NAT1: variants seen among roughly 807,000 people sequenced by gnomAD.
NAT1 encodes N-acetyltransferase 1, also known as arylamine N-acetyltransferase 1.
For missense variants in NAT1, 400 were observed against 339.2 expected, an observed-to-expected ratio of 1.18 and a Z score of -1.41; for synonymous variants, 144 against 122.6, an observed-to-expected ratio of 1.17 and a Z score of -1.16.
In NAT1 at chr8:18,219,479, T is replaced by C. The variant is rs754881386; in HGVS notation, c.-17T>C. ...ACTGAAGATCAACCTACTTTCAACT[T>C]ACTAAGAAAGGTATTAAGCGCCTTT... On this transcript the variant is annotated 5_prime_UTR_variant, in exon 2 of 3. Coordinates refer to ENST00000307719, the MANE Select transcript of NAT1 (RefSeq NM_000662.8). The C allele has an allele frequency of 7.7e-6, 12 of 1,548,760 alleles. No homozygotes were observed. The South Asian group carries it at 1.3e-4, about 17-fold the overall frequency.
intron 2 of NAT1, among the ~76,000 whole-genome samples, chr8:18,179,400 C>T (rs963430507): frequency 6.6e-6 from 1 of 152,118 alleles, no homozygotes; most frequent in East Asian, 1.9e-4. Context: ...TCTATGGCCA[C>T]TCAAATTAGT....
At chr8:18,217,360 G>A (rs1196291890) in intron 1 of NAT1, among the ~76,000 whole-genome samples, 1 of 152,222 alleles carries the variant, frequency 6.6e-6, no homozygotes, top group Admixed American at 6.5e-5. Context: ...CTTCCGGTAA[G>A]CACAGCTGAA....
Position 18,213,511 on chromosome 8 carries a change from AAACTGTC to A in NAT1, c.-86+3336_-86+3342del, listed in dbSNP as rs1231951738. 2.0e-5 allele frequency among the ~76,000 whole-genome samples: 3 copies of A among 152,254 alleles called. No individual in the cohort carries two copies. In the East Asian group the frequency reaches 5.8e-4, roughly 30 times the overall value. The stretch of plus-strand genomic sequence containing the variant: ...GAAAACTAGAGACTTCACCAATCAG[AAACTGTC>A]AACTAACCTCTAACTAGGGACTTTT... On this transcript the variant is annotated intron_variant, in intron 1 of 2. Transcript: ENST00000307719.
intron 2 of NAT1, chr8:18,201,017 G>T (rs888333068): frequency 6.6e-6 from 1 of 152,182 alleles, no homozygotes; most frequent in Non-Finnish European, 1.5e-5. Flanking sequence ...TGCAGGCTGC[G>T]AAGGATAATG....
chr8:18,187,694 G>A, intron 2 of NAT1, among the ~76,000 whole-genome samples: 1 of 151,984 alleles, frequency 6.6e-6, no homozygotes, highest in Middle Eastern at 3.2e-3. Context: ...ACACACTGGG[G>A]CCTACTTGAG....
In NAT1 at chr8:18,197,045, G is replaced by T. The variant is rs553681656; in HGVS notation, n.93-12736G>T. 7.9e-5 allele frequency among the ~76,000 whole-genome samples: 12 copies of T among 152,224 alleles called. 1 individual carries two copies. The South Asian group carries it at 2.5e-3, about 32-fold the overall frequency. ...CAGGAAACTTAAAACCACGGCGGAA[G>T]GCAAAAGGGAAGCAGGCACCTTTCA... is the stretch of plus-strand genomic sequence containing the variant. On this transcript the variant is annotated intron_variant and non_coding_transcript_variant, in intron 2 of 4. Transcript: ENST00000517441.
intron 2 of NAT1, among the ~76,000 whole-genome samples, chr8:18,199,617 C>G (rs1006526396): frequency 6.6e-6 from 1 of 152,088 alleles, no homozygotes; most frequent in Non-Finnish European, 1.5e-5. Flanking sequence ...AATTGAGTTC[C>G]CTGAACTCTT....
At chr8:18,192,541 C>G (rs1337404285) in intron 2 of NAT1, among the ~76,000 whole-genome samples, 1 of 151,942 alleles carries the variant, frequency 6.6e-6, no homozygotes, top group Non-Finnish European at 1.5e-5. Flanking sequence ...ACATGCACAC[C>G]TATGTTTATT....
Position 18,180,732 on chromosome 8 carries a change from A to C in NAT1, n.92+9993A>C, listed in dbSNP as rs79374657. The stretch of plus-strand genomic sequence containing the variant: ...AAATACCCTTATTTGGTCATTATAC[A>C]ACATATATATATTAAAACATCAAGT... On this transcript the variant is annotated intron_variant and non_coding_transcript_variant, in intron 2 of 4. Transcript: ENST00000517441. Among the ~76,000 whole-genome samples, 243 of 152,324 alleles carry C rather than the reference A, an allele frequency of 1.6e-3. 6 individuals are homozygous for C. The East Asian group carries it at 0.028, about 17-fold the overall frequency.
At chr8:18,213,557 C>CA (rs1804322261) in intron 1 of NAT1, among the ~76,000 whole-genome samples, 1 of 152,066 alleles carries the variant, frequency 6.6e-6, no homozygotes, top group East Asian at 1.9e-4. Context: ...TCTAACCAAC[C>CA]AAATAGCTTT....
At chr8:18,192,380 C>A (rs7005399) in intron 2 of NAT1, among the ~76,000 whole-genome samples, 124,034 of 152,118 alleles carry the variant, frequency 0.82, 50,972 homozygotes, top group African/African-American at 0.92. Context: ...GAACACTTTT[C>A]CACTGTTGGT....
At chr8:18,187,983 T>C (rs1200021941) in intron 2 of NAT1, among the ~76,000 whole-genome samples, 1 of 98,928 alleles carries the variant, frequency 1.0e-5, no homozygotes, top group Non-Finnish European at 2.4e-5. Flanking sequence ...ACACACACTT[T>C]TATGCCACAT....
intron 1 of NAT1, chr8:18,216,920 G>C: frequency 6.4e-7 from 1 of 1,551,252 alleles, no homozygotes; most frequent in Non-Finnish European, 8.7e-7. Context: ...TACACAAGGA[G>C]GCAGCCCTCG....
intron 2 of NAT1, among the ~76,000 whole-genome samples, chr8:18,183,114 T>A (rs1047755255): frequency 1.3e-5 from 2 of 152,140 alleles, no homozygotes; most frequent in African/African-American, 4.8e-5. Flanking sequence ...CTAAGGTCAA[T>A]GCACCAACCA....
intron 2 of NAT1, among the ~76,000 whole-genome samples, chr8:18,190,390 G>C (rs1293841810): frequency 6.6e-6 from 1 of 152,254 alleles, no homozygotes; most frequent in African/African-American, 2.4e-5. Flanking sequence ...ACACAGCCTA[G>C]AGTATTTAAA....
chr8:18,175,714 C>T (rs986979047), intron 2 of NAT1, among the ~76,000 whole-genome samples: 2 of 152,022 alleles, frequency 1.3e-5, no homozygotes, highest in Non-Finnish European at 2.9e-5. Flanking sequence ...ACTTCAATTC[C>T]TTTAAATATA....
At chr8:18,221,081 A>G (rs1805233900) in intron 2 of NAT1, among the ~76,000 whole-genome samples, 1 of 152,216 alleles carries the variant, frequency 6.6e-6, no homozygotes, top group Non-Finnish European at 1.5e-5. Flanking sequence ...TGCCAGTCTT[A>G]GCTCCAAGGC....
intron 2 of NAT1, among the ~76,000 whole-genome samples, chr8:18,181,533 C>T (rs972072237): frequency 3.3e-5 from 5 of 152,150 alleles, no homozygotes; most frequent in African/African-American, 1.2e-4. Flanking sequence ...TGACTTCTTT[C>T]TTTCCAGTTG....
intron 1 of NAT1, among the ~76,000 whole-genome samples, chr8:18,218,048 G>A (rs903983682): frequency 6.6e-6 from 1 of 152,158 alleles, no homozygotes; most frequent in African/African-American, 2.4e-5. Context: ...CCTTGAGCAA[G>A]CGTTCCTCTT....
Sources: allele counts gnomAD v4.1 joint callset (sites outside exome capture counted in the v4.1 genomes callset), GRCh38; gene constraint gnomAD v4.1.1; transcripts MANE v1.5; gene names NCBI Gene and HGNC (gene_info 2026-07-23, HGNC 2026-07-21).